Variants in CAPN11 observed in about 807,000 individuals in gnomAD.
CAPN11 encodes the protein calpain 11.
In CAPN11, 108 loss-of-function variants were observed where a neutral mutation model predicts 105.3. The ratio of observed to expected loss-of-function variants is 1.03; its 90% confidence interval spans 0.88 to 1.20. The LOEUF (loss-of-function observed/expected upper bound fraction) is 1.20. Among genes scored for constraint, CAPN11 ranks in the 50% most tolerant of loss-of-function variants. The pLI is 0.00. For synonymous variants in CAPN11, 329 were observed against 344.5 expected (o/e 0.96, Z 0.50); for missense variants, 883 against 924.8 (o/e 0.95, Z 0.59).
At chr6:44,162,679 C>G (rs531398356) in intron 1 of CAPN11, among the ~76,000 whole-genome samples, 2 of 152,240 alleles carry the variant, frequency 1.3e-5, no homozygotes, top group East Asian at 3.9e-4. Context: ...CACAGAACCT[C>G]CCTGATGATC....
intron 2 of CAPN11, among the ~76,000 whole-genome samples, chr6:44,168,780 C>T (rs894906636): frequency 2.1e-4 from 32 of 152,068 alleles, no homozygotes; most frequent in African/African-American, 6.3e-4. Flanking sequence ...CCCCCACACC[C>T]GGCTAATTTT....
intron 21 of CAPN11, 105 bp from the exon 22 acceptor site, chr6:44,183,600 A>C: frequency 9.7e-7 from 1 of 1,029,434 alleles, no homozygotes; most frequent in Non-Finnish European, 1.5e-6. Context: ...TGTGGGGAAC[A>C]GCCAGGAACA....
intron 1 of CAPN11, among the ~76,000 whole-genome samples, chr6:44,161,120 C>G (rs1273229027): frequency 2.6e-5 from 4 of 151,852 alleles, no homozygotes; most frequent in African/African-American, 4.8e-5. Flanking sequence ...TCTCACGCTC[C>G]TAGCCCATGT....
chr6:44,173,105 C>T (rs1478900386), intron 6 of CAPN11, 32 bp downstream of exon 6: 1 of 1,609,702 alleles, frequency 6.2e-7, no homozygotes, highest in Non-Finnish European at 8.5e-7. Flanking sequence ...AGGGGGCTTG[C>T]CTTGCCTCTG....
At chr6:44,164,083 G>C (rs773166940) in intron 1 of CAPN11, among the ~76,000 whole-genome samples, 1 of 152,098 alleles carries the variant, frequency 6.6e-6, no homozygotes, top group Non-Finnish European at 1.5e-5. Context: ...GAGGAGGGAG[G>C]ATTGCTTGAG....
intron 7 of CAPN11, among the ~76,000 whole-genome samples, chr6:44,174,193 C>T (rs1280968379): frequency 6.6e-6 from 1 of 152,150 alleles, no homozygotes; most frequent in Non-Finnish European, 1.5e-5. Flanking sequence ...AATGTTTGTA[C>T]ACAAATGTTT....
intron 1 of CAPN11, among the ~76,000 whole-genome samples, chr6:44,162,291 G>A (rs189445454): frequency 7.7e-4 from 116 of 151,346 alleles, no homozygotes; most frequent in Non-Finnish European, 1.5e-3. Flanking sequence ...CCCTTCCCTC[G>A]GAACCCTCTT....
chr6:44,177,647 C>G, intron 12 of CAPN11: 3 of 515,428 alleles, frequency 5.8e-6, no homozygotes, highest in Non-Finnish European at 1.0e-5. Flanking sequence ...CCACCATGCC[C>G]AGCTAATTTT....
intron 21 of CAPN11, 42 bp from the exon 22 acceptor site, chr6:44,183,663 C>G: frequency 6.3e-7 from 1 of 1,594,368 alleles, no homozygotes; most frequent in Non-Finnish European, 8.6e-7. Flanking sequence ...GGAACACTGA[C>G]TTAGCATTCA....
intron 2 of CAPN11, among the ~76,000 whole-genome samples, chr6:44,167,045 G>A (rs34579254): frequency 1.3e-5 from 2 of 151,840 alleles, no homozygotes; most frequent in African/African-American, 2.4e-5. Flanking sequence ...GTCCCAAGCC[G>A]CCTGGCAGGC....
In CAPN11 at chr6:44,172,404, G is replaced by C; in HGVS notation, c.512G>C (p.Gly171Ala). ...RGQSFKKNYAGIFHFQIWQFG... is the reference protein window; with the variant it reads ...RGQSFKKNYAAIFHFQIWQFG... The stretch of plus-strand genomic sequence containing the variant: ...CAGAGCTTCAAGAAAAACTATGCTG[G>C]CATCTTCCATTTTCAGGTGAAGGAC... Residue 171 changes from glycine (G) to alanine (A), a missense_variant, in exon 5 of 23, where the codon GGC becomes GCC. Coordinates refer to ENST00000398776, the MANE Select transcript of CAPN11 (RefSeq NM_007058.4). 1.3e-6 allele frequency: 2 copies of C among 1,554,268 alleles called. No homozygotes were observed. The highest frequency in any genetic ancestry group is 1.7e-6 in the Non-Finnish European group (2 of 1,148,100).
At chr6:44,165,354 T>G (rs1337487599) in intron 1 of CAPN11, among the ~76,000 whole-genome samples, 1 of 152,164 alleles carries the variant, frequency 6.6e-6, no homozygotes, top group Admixed American at 6.5e-5. Flanking sequence ...GCAAACACTT[T>G]AGAATATCAC....
rs767913594 is a variant in CAPN11, at chr6:44,179,955, C to T, written c.1432C>T (p.Gln478Ter). 6.2e-7 allele frequency: 1 copy of T among 1,611,762 alleles called. No individual in the cohort carries two copies. Among genetic ancestry groups the T allele is most frequent in the South Asian group, 1.1e-5 (1 of 91,032 alleles). ...FVLYAVPKEF[Q>*]NIQDVHLKKE... ...CCCACTTCCAGGATGCATATAGTTTCAGAACATTCAGGATGTCCACTTGAA... is the reference window on the plus strand; with the variant it reads ...CCCACTTCCAGGATGCATATAGTTTTAGAACATTCAGGATGTCCACTTGAA... Residue 478 changes from glutamine (Q) to a stop codon, truncating the protein, a stop_gained, in exon 14 of 23, where the codon CAG becomes TAG. Transcript: ENST00000398776. LOFTEE classifies it high-confidence loss of function.
In CAPN11 at chr6:44,169,978, G is replaced by T; in HGVS notation, c.409+3G>T. ...AGACATCTGCCAGGGGATCCTCGGT[G>T]AGTGGGGCACAGGAAGCTGGTCTCC... On this transcript the variant is annotated splice_donor_region_variant and intron_variant, in intron 4 of 22. Coordinates refer to ENST00000398776, the MANE Select transcript of CAPN11 (RefSeq NM_007058.4). The T allele has an allele frequency of 6.2e-7, 1 of 1,607,974 alleles. No individual in the cohort carries two copies. The highest frequency in any genetic ancestry group is 1.1e-5 in the South Asian group (1 of 89,992).
intron 1 of CAPN11, among the ~76,000 whole-genome samples, chr6:44,162,456 C>G (rs975221241): frequency 2.0e-5 from 3 of 151,472 alleles, no homozygotes; most frequent in Non-Finnish European, 4.4e-5. Context: ...ATTACCATTT[C>G]TAAGATAATC....
chr6:44,172,635 C>G (rs1400775775), intron 5 of CAPN11, among the ~76,000 whole-genome samples: 2 of 152,190 alleles, frequency 1.3e-5, no homozygotes, highest in Non-Finnish European at 2.9e-5. Context: ...GTGGCTCTTT[C>G]TCCCTTCTCC....
chr6:44,183,984 C>G lies in CAPN11; in HGVS notation c.*52C>G, dbSNP rs1340157659. The stretch of plus-strand genomic sequence containing the variant: ...TACCAGCAGCAGCAGCAGCGAGGTT[C>G]TAGCCCAGGAGGGTGGGGTGCTTCT... On this transcript the variant is annotated 3_prime_UTR_variant, in exon 23 of 23. Transcript: ENST00000398776. The G allele has an allele frequency of 6.5e-7, 1 of 1,548,024 alleles. No homozygotes were observed. Among genetic ancestry groups the G allele is most frequent in the Non-Finnish European group, 8.7e-7 (1 of 1,144,246 alleles).
chr6:44,179,929 A>G lies in CAPN11; in HGVS notation c.1429-23A>G, dbSNP rs932478263. ...CCCTAACCTCCCATGCCAGTCCTGT[A>G]CCCACTTCCAGGATGCATATAGTTT... On this transcript the variant is annotated intron_variant, in intron 13 of 22. Coordinates refer to ENST00000398776, the MANE Select transcript of CAPN11 (RefSeq NM_007058.4). 5.1e-6 allele frequency: 8 copies of G among 1,570,890 alleles called. No individual in the cohort carries two copies. The Admixed American group carries it at 8.3e-5, about 16-fold the overall frequency.
At position 44,183,158 on chromosome 6, in the gene CAPN11, C is replaced by G; in HGVS notation, c.2057C>G (p.Ala686Gly). The G allele has an allele frequency of 6.2e-7, 1 of 1,613,404 alleles. No individual in the cohort carries two copies. Among genetic ancestry groups the G allele is most frequent in the African/African-American group, 1.3e-5 (1 of 75,000 alleles). Residue 686 changes from alanine (A) to glycine (G), a missense_variant, in exon 21 of 23, where the codon GCC becomes GGC. Transcript: ENST00000398776. ...AACAAGGTAATGCAGGTCCTGGTGG[C>G]CAGGTATGCAGATGATGACCTGATC... ...LNNKVMQVLV[A>G]RYADDDLIID...
Sources: gnomAD v4.1 joint callset for allele counts (sites outside exome capture counted in the v4.1 genomes callset) on GRCh38, gnomAD v4.1.1 for gene constraint, MANE v1.5 for transcripts, NCBI Gene and HGNC (gene_info 2026-07-23, HGNC 2026-07-21) for gene names.